Variants in MROH1 observed in about 807,000 individuals in gnomAD.
MROH1 encodes the protein maestro heat like repeat family member 1, also known as maestro heat-like repeat-containing protein family member 1.
Under a neutral mutation model 116.5 loss-of-function variants are expected in MROH1, and 117 were observed. The observed-to-expected ratio is 1.00, with a 90% CI of 0.86 to 1.17. The LOEUF is 1.17. Among genes scored for constraint, MROH1 ranks in the 50% most tolerant of loss-of-function variants. MROH1 has a pLI of 0.00. For missense variants in MROH1, 1,873 were observed against 1,338.5 expected, an observed-to-expected ratio of 1.40 and a Z score of -6.23; for synonymous variants, 921 against 583.9, an observed-to-expected ratio of 1.58 and a Z score of -8.32.
At chr8:144,217,808 G>A (rs1369209503) in intron 12 of MROH1, among the ~76,000 whole-genome samples, 1 of 152,176 alleles carries the variant, frequency 6.6e-6, no homozygotes, top group Non-Finnish European at 1.5e-5. Flanking sequence ...TAGTTTTGCT[G>A]CTATTGTGTG....
chr8:144,230,962 G>T (rs550707677), intron 14 of MROH1, among the ~76,000 whole-genome samples: 2 of 142,126 alleles, frequency 1.4e-5, no homozygotes, highest in Non-Finnish European at 3.1e-5. Flanking sequence ...GCGGCCTTCC[G>T]CAGTGTTTGT....
rs1206621866 is a variant in MROH1, at chr8:144,260,360, CCTTT to C, written c.4370_4373del (p.Phe1457SerfsTer100). 4.1e-6 allele frequency: 3 copies of C among 723,218 alleles called. No individual in the cohort carries two copies. The highest frequency in any genetic ancestry group is 7.6e-6 in the Non-Finnish European group (3 of 394,998). 44.8% of individuals were successfully genotyped at this position (723,218 alleles called of 1,614,324 possible). ...GCTGCACGTGGCCATCCGCATCCGG[CCTTT>C]CTTCGACAGTGTAGGCTGGTTGGGG... On this transcript the variant is annotated frameshift_variant, in exon 39 of 44. Coordinates refer to ENST00000326134, the MANE Select transcript of MROH1 (RefSeq NM_032450.3). LOFTEE classifies it high-confidence loss of function.
chr8:144,201,107 A>C (rs1831027535), intron 12 of MROH1: 1 of 151,424 alleles, frequency 6.6e-6, no homozygotes, highest in Non-Finnish European at 1.5e-5. Flanking sequence ...GCCAGGCTGG[A>C]GTGCAGTGGC....
At chr8:144,247,497 G>A (rs1842100490) in intron 30 of MROH1, 61 bp downstream of exon 30, 7 of 761,250 alleles carry the variant, frequency 9.2e-6, no homozygotes, top group Admixed American at 1.8e-5. Flanking sequence ...GAGGGATGAG[G>A]TGCGGAGTCC....
intron 14 of MROH1, among the ~76,000 whole-genome samples, chr8:144,230,283 C>G (rs1053295141): frequency 3.2e-4 from 48 of 152,176 alleles, no homozygotes; most frequent in African/African-American, 1.1e-3. Context: ...AATGTTTGGC[C>G]GGTCTGATTC....
chr8:144,239,572 T>C (rs1011135463), intron 17 of MROH1, 42 bp from the exon 18 acceptor site: 3 of 768,100 alleles, frequency 3.9e-6, no homozygotes, highest in Middle Eastern at 2.7e-4. Flanking sequence ...GCATGACCAG[T>C]GCTCCCTGCT....
chr8:144,194,125 C>T (rs1051619979), intron 10 of MROH1, among the ~76,000 whole-genome samples: 20 of 151,922 alleles, frequency 1.3e-4, no homozygotes, highest in African/African-American at 4.4e-4. Context: ...TGCAATGGTG[C>T]GATCTTGGCT....
At chr8:144,175,398 G>C in intron 4 of MROH1, 1 of 703,546 alleles carries the variant, frequency 1.4e-6, no homozygotes. Context: ...ATGCCCACTT[G>C]CTGTACCCAA....
Position 144,239,142 on chromosome 8 carries a change from C to T in MROH1, c.1554C>T (p.Ala518=), listed in dbSNP as rs1216777051. 5 of 769,114 alleles carry T rather than the reference C, an allele frequency of 6.5e-6. No individual in the cohort carries two copies. The highest frequency in any genetic ancestry group is 4.9e-5 in the East Asian group (2 of 41,160). 47.6% of individuals were successfully genotyped at this position (769,114 alleles called of 1,614,324 possible). ...ATCTGGCGCAGAAGAGGCAGGAGGC[C>T]GGGGCCGACGCCTTCCTCATCCAGT... ...LVHLAQKRQE[A]GADAFLIQYD... Residue 518 remains alanine, a synonymous_variant, in exon 16 of 44, where the codon GCC becomes GCT. Coordinates refer to ENST00000326134, the MANE Select transcript of MROH1 (RefSeq NM_032450.3).
At chr8:144,250,096 A>T in intron 32 of MROH1, 116 bp from the exon 33 acceptor site, 1 of 691,746 alleles carries the variant, frequency 1.4e-6, no homozygotes, top group Non-Finnish European at 2.6e-6. Context: ...AACCAGCAGT[A>T]TGGAGCTCTG....
At chr8:144,250,725 T>A in intron 33 of MROH1, 1 of 397,504 alleles carries the variant, frequency 2.5e-6, no homozygotes, top group East Asian at 5.8e-5. Context: ...GTGTCTTGGT[T>A]CCGGCTACTC....
chr8:144,220,734 C>A, intron 13 of MROH1, 61 bp downstream of exon 13: 1 of 1,446,154 alleles, frequency 6.9e-7, no homozygotes, highest in Non-Finnish European at 9.5e-7. Context: ...CAGGGTGTGG[C>A]CAGGCTGTGC....
Position 144,192,418 on chromosome 8 carries a change from AG to A in MROH1, c.948+22del, listed in dbSNP as rs753824881. 1.9e-6 allele frequency: 3 copies of A among 1,566,486 alleles called. No homozygotes were observed. The highest frequency in any genetic ancestry group is 2.3e-5 in the East Asian group (1 of 43,166). Reference sequence around the variant, plus strand: ...CACTCCCAGGTAGGAGGCGGGCGTCAGGGGGCGGGTCCAGGTTCTGCACACC... The same window carrying A: ...CACTCCCAGGTAGGAGGCGGGCGTCAGGGGCGGGTCCAGGTTCTGCACACC... On this transcript the variant is annotated intron_variant, in intron 10 of 43. Transcript: ENST00000326134.
At chr8:144,206,339 T>C (rs576841027) in intron 12 of MROH1, among the ~76,000 whole-genome samples, 9 of 152,334 alleles carry the variant, frequency 5.9e-5, no homozygotes, top group African/African-American at 9.6e-5. Context: ...TGCACTCTTC[T>C]TTACTGCTAA....
intron 4 of MROH1, chr8:144,175,117 G>A (rs1564395822): frequency 2.0e-6 from 2 of 985,346 alleles, no homozygotes; most frequent in Non-Finnish European, 2.4e-6. Flanking sequence ...CAGAGGAGAT[G>A]GCAGCTGTGG....
rs1841682560 is a variant in MROH1 at position 144,245,197 on chromosome 8, GGC to G, written c.2812_2813del (p.Arg938GlyfsTer64). 7 of 779,144 alleles carry G rather than the reference GGC, an allele frequency of 9.0e-6. No individual in the cohort carries two copies. Among genetic ancestry groups the G allele is most frequent in the African/African-American group, 1.7e-5 (1 of 59,124 alleles). 48.3% of individuals were successfully genotyped at this position (779,144 alleles called of 1,614,324 possible). The stretch of plus-strand genomic sequence containing the variant: ...TCAAGTCCCCAAGAGGTCACGAGCG[GGC>G]GCGGGCCCTGGGCCTGAGCGCCCTC... ...WIKSPRGHER[A>X]RALGLSALLL... is the part of the protein sequence containing the mutation. On this transcript the variant is annotated frameshift_variant, in exon 29 of 44. Coordinates refer to ENST00000326134, the MANE Select transcript of MROH1 (RefSeq NM_032450.3). LOFTEE classifies it high-confidence loss of function.
intron 7 of MROH1, among the ~76,000 whole-genome samples, chr8:144,189,746 A>G (rs1408757355): frequency 6.6e-6 from 1 of 152,076 alleles, no homozygotes; most frequent in Non-Finnish European, 1.5e-5. Context: ...TCCCGCCCAC[A>G]CTGTGCCCAG....
chr8:144,234,517 TTTTTTTTTTTTTTTTTTC>T (rs1839670885), intron 14 of MROH1, among the ~76,000 whole-genome samples: 1 of 87,670 alleles, frequency 1.1e-5, no homozygotes, highest in Non-Finnish European at 2.4e-5. Flanking sequence ...TTTTTTTTTT[TTTTTTTTTTTTTTTTTTC>T]AAAAAGAGTC....
Position 144,237,735 on chromosome 8 carries a change from C to T in MROH1, c.1339-1021C>T, listed in dbSNP as rs980713346. On this transcript the variant is annotated intron_variant, in intron 14 of 43. Coordinates refer to ENST00000326134, the MANE Select transcript of MROH1 (RefSeq NM_032450.3). The stretch of plus-strand genomic sequence containing the variant: ...TTTCACGGTTATACTTTTTCACACC[C>T]TGTCGCTGGGATTTTCCTTGTTCTT... Among the ~76,000 whole-genome samples the T allele has an allele frequency of 2.6e-5, 4 of 152,176 alleles. No homozygotes were observed. The South Asian group carries it at 8.4e-4, about 32-fold the overall frequency.
Sources: allele counts gnomAD v4.1 joint callset (sites outside exome capture counted in the v4.1 genomes callset), GRCh38; gene constraint gnomAD v4.1.1; transcripts MANE v1.5; gene names NCBI Gene and HGNC (gene_info 2026-07-23, HGNC 2026-07-21).